Variants in CFAP119 observed in about 807,000 individuals in gnomAD.
CFAP119 encodes cilia- and flagella-associated protein 119.
the CFAP119 span, chr16:30,758,830 T>G: frequency 5.7e-6 from 6 of 1,059,552 alleles, no homozygotes; most frequent in Non-Finnish European, 6.6e-6. Context: ...ATTACAGGTG[T>G]GAGCCACCAC....
the CFAP119 span, chr16:30,761,688 G>A: frequency 9.1e-6 from 14 of 1,535,814 alleles, no homozygotes; most frequent in South Asian, 1.4e-4. Flanking sequence ...AGCTCGGAGA[G>A]ATGTTCAAGC....
At chr16:30,760,423 A>G in the CFAP119 span, 1 of 1,614,132 alleles carries the variant, frequency 6.2e-7, no homozygotes. Flanking sequence ...TCTGCTCAGG[A>G]CACCCTAGCT....
chr16:30,759,329 C>T, the CFAP119 span: 2 of 1,612,922 alleles, frequency 1.2e-6, no homozygotes, highest in Non-Finnish European at 1.7e-6. Flanking sequence ...CCTCATGGTC[C>T]ACCACCCCCT....
the CFAP119 span, chr16:30,761,579 T>TTCG: frequency 7.2e-6 from 11 of 1,536,110 alleles, no homozygotes; most frequent in East Asian, 9.8e-5. Flanking sequence ...TTCATCCGCT[T>TTCG]TCGCCGCCGC....
the CFAP119 span, chr16:30,758,825 A>T: frequency 1.0e-6 from 1 of 976,464 alleles, no homozygotes; most frequent in Non-Finnish European, 1.5e-6. Context: ...CTGGGATTAC[A>T]GGTGTGAGCC....
the CFAP119 span, chr16:30,761,959 G>A: frequency 5.0e-5 from 29 of 584,318 alleles, no homozygotes; most frequent in Non-Finnish European, 7.7e-5. Context: ...AGGGAAGGAA[G>A]GCGGAAAGCG....
chr16:30,761,351 G>A, the CFAP119 span: 4 of 1,452,872 alleles, frequency 2.8e-6, no homozygotes, highest in Non-Finnish European at 3.9e-6. Flanking sequence ...GAGAGGCGCG[G>A]GCGAGGGAGG....
At chr16:30,761,408 G>A in the CFAP119 span, 3 of 1,389,098 alleles carry the variant, frequency 2.2e-6, no homozygotes, top group Non-Finnish European at 3.0e-6. Context: ...TAACCACCGG[G>A]GTCACACACC....
chr16:30,759,954 T>TCTAGG, the CFAP119 span: 1 of 1,447,044 alleles, frequency 6.9e-7, no homozygotes, highest in East Asian at 2.5e-5. Flanking sequence ...AAGCTTATAT[T>TCTAGG]CTAGGGGAAT....
At chr16:30,759,401 A>G in the CFAP119 span, 1 of 1,614,240 alleles carries the variant, frequency 6.2e-7, no homozygotes, top group Non-Finnish European at 8.5e-7. Flanking sequence ...TTGACCACGT[A>G]GTCTTCCAAG....
At chr16:30,761,370 A>C in the CFAP119 span, 1 of 1,393,620 alleles carries the variant, frequency 7.2e-7, no homozygotes, top group Non-Finnish European at 1.0e-6. Flanking sequence ...GGGCTTCAGC[A>C]GGCCCTAGGT....
At chr16:30,761,000 T>G in the CFAP119 span, 1 of 638,010 alleles carries the variant, frequency 1.6e-6, no homozygotes, top group South Asian at 2.0e-5. Flanking sequence ...ACATTCTGTC[T>G]TTGGCTCTTT....
At chr16:30,761,695 A>G in the CFAP119 span, 43 of 1,534,956 alleles carry the variant, frequency 2.8e-5, no homozygotes, top group East Asian at 8.6e-4. Context: ...AGAGATGTTC[A>G]AGCTCCGACT....
At chr16:30,761,847 C>A in the CFAP119 span, 1 of 1,170,284 alleles carries the variant, frequency 8.5e-7, no homozygotes, top group South Asian at 1.6e-5. Context: ...CGGGCCCGTT[C>A]GCCTCGCTCC....
the CFAP119 span, chr16:30,757,666 G>A: frequency 6.2e-7 from 1 of 1,605,432 alleles, no homozygotes; most frequent in Non-Finnish European, 8.5e-7. Flanking sequence ...TGCAGGGGCA[G>A]GGAAGAAGGG....
the CFAP119 span, chr16:30,761,155 A>G: frequency 6.2e-7 from 1 of 1,606,750 alleles, no homozygotes; most frequent in Non-Finnish European, 8.5e-7. Context: ...GAGACAATAA[A>G]GAACGCAAAT....
chr16:30,757,971 G>C, the CFAP119 span: 1 of 401,254 alleles, frequency 2.5e-6, no homozygotes, highest in Non-Finnish European at 4.0e-6. Flanking sequence ...TAGGATTGAG[G>C]GAGGATTAAA....
the CFAP119 span, chr16:30,761,318 G>A: frequency 3.8e-6 from 6 of 1,572,572 alleles, no homozygotes; most frequent in Non-Finnish European, 5.3e-6. Flanking sequence ...GCTGTAACTT[G>A]CCATCTCATC....
At chr16:30,760,930 C>T in the CFAP119 span, 1 of 610,638 alleles carries the variant, frequency 1.6e-6, no homozygotes. Flanking sequence ...TCAAGTACTC[C>T]CTGTGGCCCT....
Sources: gnomAD v4.1 joint callset for allele counts on GRCh38, gnomAD v4.1.1 for gene constraint, MANE v1.5 for transcripts, NCBI Gene and HGNC (gene_info 2026-07-23, HGNC 2026-07-21) for gene names.